Variants in PRDX3 observed in about 807,000 individuals in gnomAD.
PRDX3 encodes thioredoxin-dependent peroxide reductase, mitochondrial.
In PRDX3, 20 loss-of-function variants were observed where a neutral mutation model predicts 30.4. That is an observed-to-expected ratio of 0.66 (90% CI 0.46 to 0.96). The LOEUF (loss-of-function observed/expected upper bound fraction) is 0.96, where lower values mean the gene tolerates loss of function less well. Ranked by LOEUF, PRDX3 falls within the 40% of genes least tolerant of loss-of-function variation. The pLI, the probability that PRDX3 is intolerant of heterozygous loss-of-function variation, is 0.00. For synonymous variants in PRDX3, 124 were observed against 117.8 expected (o/e 1.05, Z -0.34); for missense variants, 322 against 318.3 (o/e 1.01, Z -0.09).
chr10:119,172,521 G>C (rs1203343607), intron 4 of PRDX3, 36 bp from the exon 5 acceptor site: 1 of 1,533,358 alleles, frequency 6.5e-7, no homozygotes, highest in East Asian at 2.2e-5. Context: ...TAGAATGTGT[G>C]GCCTCACAAC....
At chr10:119,176,259 C>A (rs548332188) in intron 2 of PRDX3, among the ~76,000 whole-genome samples, 1 of 152,320 alleles carries the variant, frequency 6.6e-6, no homozygotes, top group Non-Finnish European at 1.5e-5. Flanking sequence ...ACAGGAGGCG[C>A]TGCTGGGGAT....
At chr10:119,168,746 G>A (rs536435238) in intron 6 of PRDX3, among the ~76,000 whole-genome samples, 1 of 152,080 alleles carries the variant, frequency 6.6e-6, no homozygotes, top group East Asian at 1.9e-4. Context: ...GGGAGGCCAA[G>A]GCGGGTGGAT....
Position 119,177,876 on chromosome 10 carries a change from C to T in PRDX3, c.37-723G>A, listed in dbSNP as rs1350062587. On this transcript the variant is annotated intron_variant, in intron 1 of 6. Coordinates refer to ENST00000298510, the MANE Select transcript of PRDX3 (RefSeq NM_006793.5). The stretch of plus-strand genomic sequence containing the variant: ...GTTAAAGGCTCAAGGGACATGTTTA[C>T]TCAACTTTTTTTTTTTTTTTTTGAA... Among the ~76,000 whole-genome samples the T allele has an allele frequency of 4.6e-5, 5 of 109,162 alleles. No homozygotes were observed. In the East Asian group the frequency reaches 1.3e-3, roughly 29 times the overall value. The allele number at this position is 109,162 out of a possible 152,430, so 71.6% of individuals were successfully genotyped here.
chr10:119,172,251 T>G, intron 5 of PRDX3, 131 bp downstream of exon 5: 1 of 758,336 alleles, frequency 1.3e-6, no homozygotes, highest in South Asian at 1.7e-5. Context: ...ATTACAGGCA[T>G]GAGCCACCAT....
chr10:119,175,011 A>G (rs891557380), intron 2 of PRDX3, among the ~76,000 whole-genome samples: 7 of 152,222 alleles, frequency 4.6e-5, no homozygotes, highest in Non-Finnish European at 8.8e-5. Flanking sequence ...TTTCGATTCA[A>G]CCAACCACAG....
At chr10:119,173,683 TAG>T in intron 4 of PRDX3, 52 bp downstream of exon 4, 2 of 1,572,692 alleles carry the variant, frequency 1.3e-6, no homozygotes, top group Non-Finnish European at 1.7e-6. Flanking sequence ...GCTAGAAATT[TAG>T]ATTCTTCCAA....
Position 119,172,432 on chromosome 10 carries a change from C to T in PRDX3, c.501G>A (p.Gln167=). 1 of 1,614,212 alleles carries T rather than the reference C, an allele frequency of 6.2e-7. No individual in the cohort carries two copies. The highest frequency in any genetic ancestry group is 8.5e-7 in the Non-Finnish European group (1 of 1,180,022). The change falls in exon 5 of 7, where the codon CAG becomes CAA. Residue 167 remains glutamine, a synonymous_variant. Coordinates refer to ENST00000298510, the MANE Select transcript of PRDX3 (RefSeq NM_006793.5). ...NIALLSDLTK[Q]ISRDYGVLLE... The stretch of plus-strand genomic sequence containing the variant: ...ACAGCACACCGTAGTCTCGGGAAAT[C>T]TGCTTAGTTAAGTCTGACAAGAGTG...
Position 119,178,782 on chromosome 10 carries a change from A to G in PRDX3, c.9T>C (p.Ala3=), listed in dbSNP as rs1193713828. The change falls in exon 1 of 7, where the codon GCT becomes GCC. Residue 3 remains alanine (A), a synonymous_variant. Transcript: ENST00000298510. ...ACGCTCGGAGCAACCGTCCTACAGC[A>G]GCCGCCATCTTCAGTGCACTCGGGC... is the stretch of plus-strand genomic sequence containing the variant. The part of the protein sequence containing the change: MA[A]AVGRLLRASV... 3 of 1,553,026 alleles carry G rather than the reference A, an allele frequency of 1.9e-6. No individual in the cohort carries two copies. Among genetic ancestry groups the G allele is most frequent in the East Asian group, 2.4e-5 (1 of 41,044 alleles).
rs768835112 is a variant in PRDX3, at chr10:119,172,441, T to A, written c.492A>T (p.Leu164Phe). 11 of 1,614,058 alleles carry A rather than the reference T, an allele frequency of 6.8e-6. No homozygotes were observed. Among genetic ancestry groups the A allele is most frequent in the Non-Finnish European group, 9.3e-6 (11 of 1,180,004 alleles). ...CGTAGTCTCGGGAAATCTGCTTAGT[T>A]AAGTCTGACAAGAGTGCGATGTTCA... is the stretch of plus-strand genomic sequence containing the variant. Reference protein sequence around the residue: ...GHMNIALLSDLTKQISRDYGV... With the variant: ...GHMNIALLSDFTKQISRDYGV... The change falls in exon 5 of 7, where the codon TTA (leucine) becomes TTT (phenylalanine). Residue 164 changes from leucine to phenylalanine, a missense_variant. Coordinates refer to ENST00000298510, the MANE Select transcript of PRDX3 (RefSeq NM_006793.5).
At chr10:119,176,145 T>C (rs775132591) in intron 2 of PRDX3, among the ~76,000 whole-genome samples, 10 of 152,012 alleles carry the variant, frequency 6.6e-5, no homozygotes, top group Non-Finnish European at 1.2e-4. Context: ...CAGAAAGGAA[T>C]GGATGCAAGA....
chr10:119,177,352 A>C (rs549169098), intron 1 of PRDX3, among the ~76,000 whole-genome samples, 199 bp from the exon 2 acceptor site: 5 of 152,214 alleles, frequency 3.3e-5, no homozygotes, highest in African/African-American at 9.6e-5. Flanking sequence ...TGGAAGGTGG[A>C]GAGGAACTAT....
chr10:119,169,370 C>A, intron 5 of PRDX3, 28 bp from the exon 6 acceptor site: 1 of 1,598,048 alleles, frequency 6.3e-7, no homozygotes, highest in South Asian at 1.1e-5. Context: ...CTCATCAGTG[C>A]CTCAACAGTA....
chr10:119,176,230 G>T (rs1312566169), intron 2 of PRDX3, among the ~76,000 whole-genome samples: 1 of 152,184 alleles, frequency 6.6e-6, no homozygotes, highest in Non-Finnish European at 1.5e-5. Flanking sequence ...CAAAATGCCT[G>T]ACACCGCCAT....
At position 119,178,780 on chromosome 10, in the gene PRDX3, G is replaced by A; in HGVS notation, c.11C>T (p.Ala4Val). ...CGACGCTCGGAGCAACCGTCCTACAGCAGCCGCCATCTTCAGTGCACTCGG... is the reference window on the plus strand; with the variant it reads ...CGACGCTCGGAGCAACCGTCCTACAACAGCCGCCATCTTCAGTGCACTCGG... MAA[A>V]VGRLLRASVA... Residue 4 changes from alanine to valine, a missense_variant, in exon 1 of 7, where the codon GCT (alanine) becomes GTT (valine). By Grantham distance (64) the Ala-to-Val change is moderately conservative (BLOSUM62 0). Coordinates refer to ENST00000298510, the MANE Select transcript of PRDX3 (RefSeq NM_006793.5). 6.4e-7 allele frequency: 1 copy of A among 1,552,928 alleles called. No individual in the cohort carries two copies. Among genetic ancestry groups the A allele is most frequent in the Non-Finnish European group, 8.7e-7 (1 of 1,148,254 alleles).
At position 119,167,763 on chromosome 10, in the gene PRDX3, T is replaced by G. The variant is rs1847800932; in HGVS notation, c.*717A>C. The G allele has an allele frequency of 6.6e-6, 1 of 152,246 alleles. No homozygotes were observed. 9.4% of individuals were successfully genotyped at this position (152,246 alleles called of 1,614,324 possible). A position where few individuals can be genotyped will look rare whatever the true frequency, so the allele number is the denominator to read the frequency against. On this transcript the variant is annotated 3_prime_UTR_variant, in exon 7 of 7. Transcript: ENST00000298510. ...TTTTGTATGTTTTACAATGAATACT[T>G]CAGCAAAGAAAATAATTATAATTTC...
At chr10:119,170,520 T>C (rs1240177951) in intron 5 of PRDX3, 1 of 151,600 alleles carries the variant, frequency 6.6e-6, no homozygotes, top group East Asian at 1.9e-4. Flanking sequence ...AGGAGAAAAA[T>C]AGCCAGTACC....
chr10:119,173,370 G>A (rs985554002), intron 4 of PRDX3, among the ~76,000 whole-genome samples: 15 of 152,306 alleles, frequency 9.8e-5, no homozygotes, highest in African/African-American at 3.6e-4. Flanking sequence ...GGCACTTTGG[G>A]AGGCCAAGGT....
intron 1 of PRDX3, among the ~76,000 whole-genome samples, chr10:119,177,672 A>T (rs1848071155): frequency 6.7e-6 from 1 of 149,298 alleles, no homozygotes; most frequent in African/African-American, 2.5e-5. Context: ...AAAAAAAATC[A>T]GAAACTCCAT....
chr10:119,169,127 T>C (rs769562511), intron 6 of PRDX3, 50 bp downstream of exon 6: 5 of 1,591,200 alleles, frequency 3.1e-6, no homozygotes, highest in Non-Finnish European at 4.3e-6. Flanking sequence ...TCAATAGCTC[T>C]CGAGGCTGAG....
Sources: gnomAD v4.1 joint callset for allele counts (sites outside exome capture counted in the v4.1 genomes callset) on GRCh38, gnomAD v4.1.1 for gene constraint, MANE v1.5 for transcripts, NCBI Gene and HGNC (gene_info 2026-07-23, HGNC 2026-07-21) for gene names.